The following EPS8L2 variants were observed in gnomAD, a reference collection of about 807,000 sequenced individuals.
The protein encoded by EPS8L2 is epidermal growth factor receptor kinase substrate 8-like protein 2.
In EPS8L2, 81 loss-of-function variants were observed where a neutral mutation model predicts 99.4. The ratio of observed to expected loss-of-function variants is 0.82; its 90% CI spans 0.68 to 0.98. EPS8L2 has a LOEUF of 0.98. Among genes scored for constraint, EPS8L2 ranks in the 50% least tolerant of loss-of-function variants. EPS8L2 has a pLI of 0.00. For missense variants in EPS8L2, 1,155 were observed against 968.8 expected (o/e 1.19, Z -2.55); for synonymous variants, 509 against 407.3 (o/e 1.25, Z -3.01).
At chr11:706,603 G>C (rs986739488) in intron 1 of EPS8L2, 1 of 152,740 alleles carries the variant, frequency 6.5e-6, no homozygotes, top group Non-Finnish European at 1.5e-5. Context: ...CAGCTCTGGG[G>C]CTTGGTGGGG....
rs1242443820 is a variant in EPS8L2, at chr11:721,065, G to A, written c.559G>A (p.Gly187Arg). The change falls in exon 8 of 21, where the codon GGA becomes AGA. Residue 187 changes from glycine to arginine, a missense_variant and splice_region_variant. Transcript: ENST00000318562. Reference sequence around the variant, plus strand: ...GAGCAGGACCCCCTCGCCCTCCAGGGGACACCAGGAGAAGATTCGGCAGCG... The same window carrying A: ...GAGCAGGACCCCCTCGCCCTCCAGGAGACACCAGGAGAAGATTCGGCAGCG... The part of the protein sequence containing the change: ...GKKMRPQTLK[G>R]HQEKIRQRQS... 2.7e-6 allele frequency: 4 copies of A among 1,495,282 alleles called. No individual in the cohort carries two copies. The highest frequency in any genetic ancestry group is 3.6e-6 in the Non-Finnish European group (4 of 1,124,392). The allele number at this position is 1,495,282 out of a possible 1,614,324, so 92.6% of individuals were successfully genotyped here. A position where few individuals can be genotyped will look rare whatever the true frequency, so the allele number is the denominator to read the frequency against.
intron 4 of EPS8L2, among the ~76,000 whole-genome samples, chr11:718,948 A>G (rs1191595171): frequency 1.4e-5 from 2 of 145,612 alleles, no homozygotes; most frequent in Non-Finnish European, 3.0e-5. Flanking sequence ...GATTACAGGC[A>G]TGAGCCACTG....
intron 4 of EPS8L2, among the ~76,000 whole-genome samples, chr11:714,575 C>T (rs929983895): frequency 4.7e-5 from 7 of 148,304 alleles, no homozygotes; most frequent in Non-Finnish European, 6.0e-5. Flanking sequence ...TAGGCTTTTG[C>T]GTTTAGGGCC....
chr11:707,525 G>C (rs899566655), intron 1 of EPS8L2, among the ~76,000 whole-genome samples: 5 of 152,160 alleles, frequency 3.3e-5, no homozygotes, highest in Non-Finnish European at 7.4e-5. Context: ...ACTTCACACC[G>C]GGAAAATGAC....
At chr11:710,714 G>A in intron 4 of EPS8L2, among the ~76,000 whole-genome samples, 1 of 152,126 alleles carries the variant, frequency 6.6e-6, no homozygotes, top group Non-Finnish European at 1.5e-5. Flanking sequence ...GGGCACCTGG[G>A]TGACAGAGCT....
intron 4 of EPS8L2, 148 bp from the exon 5 acceptor site, chr11:719,914 C>T: frequency 3.1e-6 from 2 of 649,624 alleles, no homozygotes; most frequent in South Asian, 3.9e-5. Flanking sequence ...ATAGAGACTC[C>T]CCCCACCAAA....
At chr11:725,697 T>C (rs1180225723) in intron 16 of EPS8L2, 31 bp from the exon 17 acceptor site, 3 of 1,299,522 alleles carry the variant, frequency 2.3e-6, no homozygotes, top group Non-Finnish European at 1.9e-6. Context: ...AGAGCCTGGG[T>C]GTGGGGAGGG....
Position 725,809 on chromosome 11 carries a change from G to A in EPS8L2, c.1642G>A (p.Glu548Lys). The part of the protein sequence containing the change: ...AGYVPCNILG[E>K]ARPEDAGAPF... ...GTACGTGCCCTGCAACATCCTAGGC[G>A]AGGCGCGACCGGAGGACGCCGGCGC... Residue 548 changes from glutamate to lysine, a missense_variant, in exon 17 of 21, where the codon GAG (glutamate) becomes AAG (lysine). Glu to Lys is a moderately conservative substitution (Grantham distance 56). Transcript: ENST00000318562. The A allele has an allele frequency of 2.2e-6, 3 of 1,387,736 alleles. No individual in the cohort carries two copies. The highest frequency in any genetic ancestry group is 9.3e-7 in the Non-Finnish European group (1 of 1,075,846). 86.0% of individuals were successfully genotyped at this position (1,387,736 alleles called of 1,614,324 possible). A position where few individuals can be genotyped will look rare whatever the true frequency, so the allele number is the denominator to read the frequency against.
chr11:720,984 A>AGGGGAGGGGAGGAGCCCGGCC, intron 7 of EPS8L2, 75 bp downstream of exon 7: 2 of 1,341,956 alleles, frequency 1.5e-6, no homozygotes, highest in Admixed American at 2.3e-5. Context: ...AGGAGCCGGC[A>AGGGGAGGGGAGGAGCCCGGCC]GGGGAGGGGA....
chr11:727,065 T>C lies in EPS8L2; in HGVS notation c.*84T>C. The stretch of plus-strand genomic sequence containing the variant: ...ATTATTTTTATATGTGTATGTATTT[T>C]GTATCAAGGACACGGAGGGGGTGTG... On this transcript the variant is annotated 3_prime_UTR_variant, in exon 21 of 21. Transcript: ENST00000318562. 3 of 979,890 alleles carry C rather than the reference T, an allele frequency of 3.1e-6. No individual in the cohort carries two copies. Among genetic ancestry groups the C allele is most frequent in the Non-Finnish European group, 4.7e-6 (3 of 642,172 alleles). The allele number at this position is 979,890 out of a possible 1,614,324, so 60.7% of individuals were successfully genotyped here.
In EPS8L2 at chr11:726,982, G is replaced by A. The variant is rs549399162; in HGVS notation, c.*1G>A. The A allele has an allele frequency of 2.5e-6, 4 of 1,611,176 alleles. No homozygotes were observed. Among genetic ancestry groups the A allele is most frequent in the Non-Finnish European group, 3.4e-6 (4 of 1,178,352 alleles). On this transcript the variant is annotated 3_prime_UTR_variant, in exon 21 of 21. Coordinates refer to ENST00000318562, the MANE Select transcript of EPS8L2 (RefSeq NM_022772.4). ...TCAGAGGAGGGGGGAGGACAGCTAG[G>A]CCCAGCTGCCTTGGGCTGGGGCCTG...
At chr11:717,657 T>A (rs918471715) in intron 4 of EPS8L2, among the ~76,000 whole-genome samples, 4 of 152,064 alleles carry the variant, frequency 2.6e-5, no homozygotes, top group African/African-American at 9.7e-5. Context: ...GGCAGGAGGA[T>A]CGCTTCAGCC....
At position 725,916 on chromosome 11, in the gene EPS8L2, C is replaced by T. The variant is rs891670044; in HGVS notation, c.1680+69C>T. 1.8e-5 allele frequency: 25 copies of T among 1,381,898 alleles called. No homozygotes were observed. The African/African-American group carries it at 3.5e-4, about 19-fold the overall frequency. The allele number at this position is 1,381,898 out of a possible 1,614,324, so 85.6% of individuals were successfully genotyped here. On this transcript the variant is annotated intron_variant, in intron 17 of 20. Coordinates refer to ENST00000318562, the MANE Select transcript of EPS8L2 (RefSeq NM_022772.4). ...GGAGCAGCCCCGCCTGCGCCTAGCCCCGCCCCAAGGCCAGCCCCGCGGCTG... is the reference window on the plus strand; with the variant it reads ...GGAGCAGCCCCGCCTGCGCCTAGCCTCGCCCCAAGGCCAGCCCCGCGGCTG...
Position 724,836 on chromosome 11 carries a change from G to A in EPS8L2, c.1560+7G>A, listed in dbSNP as rs1443265149. 3 of 1,601,398 alleles carry A rather than the reference G, an allele frequency of 1.9e-6. No individual in the cohort carries two copies. Among genetic ancestry groups the A allele is most frequent in the African/African-American group, 1.3e-5 (1 of 74,816 alleles). ...CAAGGATGAGGTCCTAGAGGTGAGG[G>A]GCTGGAGGACGGGGTCCAAGAGGGG... On this transcript the variant is annotated splice_region_variant and intron_variant, in intron 16 of 20. Transcript: ENST00000318562. This position sits in a 1 kb window ranked among gnomAD's most constrained non-coding sequence, Gnocchi z 5.5.
chr11:711,056 G>A (rs1003847384), intron 4 of EPS8L2, among the ~76,000 whole-genome samples: 1 of 152,170 alleles, frequency 6.6e-6, no homozygotes, highest in South Asian at 2.1e-4. Flanking sequence ...ACTGTATCGG[G>A]AGGGAGCAGG....
Position 724,644 on chromosome 11 carries a change from G to A in EPS8L2, c.1455-80G>A. ...AGGCAGCCAGTCGTGCACCTGGGAAGCTGCTGCCCCCCAGCCACTGCCCAG... is the reference window on the plus strand; with the variant it reads ...AGGCAGCCAGTCGTGCACCTGGGAAACTGCTGCCCCCCAGCCACTGCCCAG... On this transcript the variant is annotated intron_variant, in intron 15 of 20. Coordinates refer to ENST00000318562, the MANE Select transcript of EPS8L2 (RefSeq NM_022772.4). The surrounding 1 kb of genome is among the most constrained non-coding windows in gnomAD (Gnocchi z 5.5). The A allele has an allele frequency of 1.0e-6, 1 of 964,246 alleles. No homozygotes were observed. The highest frequency in any genetic ancestry group is 2.4e-5 in the East Asian group (1 of 41,640). 59.7% of individuals were successfully genotyped at this position (964,246 alleles called of 1,614,324 possible). A position where few individuals can be genotyped will look rare whatever the true frequency, so the allele number is the denominator to read the frequency against.
intron 1 of EPS8L2, chr11:708,459 G>A (rs546585754): frequency 1.3e-5 from 2 of 152,266 alleles, no homozygotes; most frequent in African/African-American, 4.8e-5. Flanking sequence ...GCCCCTGGGG[G>A]AGGCCAGAGG....
intron 4 of EPS8L2, among the ~76,000 whole-genome samples, chr11:711,969 C>T (rs1165059724): frequency 4.6e-5 from 7 of 150,750 alleles, no homozygotes; most frequent in African/African-American, 7.4e-5. Flanking sequence ...GGCAACAGAG[C>T]GAGACTCCAT....
chr11:712,501 C>T (rs530444018), intron 4 of EPS8L2, among the ~76,000 whole-genome samples: 15 of 151,702 alleles, frequency 9.9e-5, no homozygotes, highest in African/African-American at 1.5e-4. Flanking sequence ...AGCCTGGGTG[C>T]GAGCTGGGCT....
Sources: allele counts gnomAD v4.1 joint callset (sites outside exome capture counted in the v4.1 genomes callset), GRCh38; gene constraint gnomAD v4.1.1; non-coding constraint Gnocchi (gnomAD v3.1); transcripts MANE v1.5; gene names NCBI Gene and HGNC (gene_info 2026-07-23, HGNC 2026-07-21).